Variants in ACTR1B observed in about 807,000 individuals in gnomAD.
ACTR1B encodes the protein beta-centractin.
In ACTR1B, 34 loss-of-function variants were observed where a neutral mutation model predicts 49.4. The observed-to-expected ratio is 0.69, with a 90% CI of 0.52 to 0.92. The LOEUF is 0.92. ACTR1B is among the 40% of genes least tolerant of loss of function. The probability of loss-of-function intolerance (pLI) is 0.00; values close to 1 mark genes in which losing one functional copy is unlikely to be tolerated. For missense variants in ACTR1B, 471 were observed against 522.4 expected (o/e 0.90, Z 0.96); for synonymous variants, 207 against 207.8 (o/e 1.00, Z 0.03).
At chr2:97,661,277 T>C (rs568603218) in intron 2 of ACTR1B, among the ~76,000 whole-genome samples, 2 of 152,314 alleles carry the variant, frequency 1.3e-5, no homozygotes, top group South Asian at 2.1e-4. Context: ...GGGCCTAGGA[T>C]CCCCTGCTGC....
chr2:97,657,207 T>C lies in ACTR1B; in HGVS notation c.988-15A>G, dbSNP rs897724466. 2 of 1,612,052 alleles carry C rather than the reference T, an allele frequency of 1.2e-6. No homozygotes were observed. The highest frequency in any genetic ancestry group is 2.7e-5 in the African/African-American group (2 of 74,886). Reference sequence around the variant, plus strand: ...GGGGCTGAGATCTAGAAGGAGGAAGTGGCCACGTTAACTGTGGATCCCCAC... The same window carrying C: ...GGGGCTGAGATCTAGAAGGAGGAAGCGGCCACGTTAACTGTGGATCCCCAC... On this transcript the variant is annotated splice_polypyrimidine_tract_variant and intron_variant, in intron 9 of 10. Transcript: ENST00000289228.
Position 97,656,248 on chromosome 2 carries a change from T to C in ACTR1B, c.*610A>G, listed in dbSNP as rs1674832778. 6.5e-6 allele frequency: 1 copy of C among 153,644 alleles called. No homozygotes were observed. Among genetic ancestry groups the C allele is most frequent in the Non-Finnish European group, 1.5e-5 (1 of 68,934 alleles). The allele number at this position is 153,644 out of a possible 1,614,324, so 9.5% of individuals were successfully genotyped here. On this transcript the variant is annotated 3_prime_UTR_variant, in exon 11 of 11. Transcript: ENST00000289228. ...GGATGAAGTGCTCTGAAAAGGATAG[T>C]GCAGCGGCTCTAGCCACCGTGCATC...
In ACTR1B at chr2:97,659,640, C is replaced by T. The variant is rs778646116; in HGVS notation, c.190-163G>A. The T allele has an allele frequency of 1.6e-4, 165 of 1,048,810 alleles. No individual in the cohort carries two copies. The highest frequency in any genetic ancestry group is 2.1e-4 in the Non-Finnish European group (152 of 728,962). 65.0% of individuals were successfully genotyped at this position (1,048,810 alleles called of 1,614,324 possible). On this transcript the variant is annotated intron_variant, in intron 3 of 10. Coordinates refer to ENST00000289228, the MANE Select transcript of ACTR1B (RefSeq NM_005735.4). This position sits in a 1 kb window ranked among gnomAD's most constrained non-coding sequence, Gnocchi z 4.0. The stretch of plus-strand genomic sequence containing the variant: ...CCCAGGGTCTGTGGCGGGTCCTGAA[C>T]TCAGCATGGGCTCACCTGCCCACCA...
In ACTR1B at chr2:97,658,523, G is replaced by A. The variant is rs1449920579; in HGVS notation, c.561C>T (p.Gly187=). 24 of 1,613,990 alleles carry A rather than the reference G, an allele frequency of 1.5e-5. No individual in the cohort carries two copies. Among genetic ancestry groups the A allele is most frequent in the Non-Finnish European group, 1.9e-5 (23 of 1,180,026 alleles). Residue 187 remains glycine, a synonymous_variant, in exon 6 of 11, where the codon GGC becomes GGT. Coordinates refer to ENST00000289228, the MANE Select transcript of ACTR1B (RefSeq NM_005735.4). This position sits in a 1 kb window ranked among gnomAD's most constrained non-coding sequence, Gnocchi z 5.9. The part of the protein sequence containing the change: ...PHSIMRVDIA[G]RDVSRYLRLL... ...GTCGGAGGTAGCGGGAGACGTCGCG[G>A]CCGGCAATGTCCACCCGCATGATGG...
Position 97,660,621 on chromosome 2 carries a change from C to T in ACTR1B, c.139G>A (p.Val47Met), listed in dbSNP as rs748665342. ...TCCCCCTCCAGGGCTCCAGCCATCA[C>T]CCGCATGTGCTTCGGCCGCCCGACA... is the stretch of plus-strand genomic sequence containing the variant. ...NYVGRPKHMR[V>M]MAGALEGDLF... The change falls in exon 3 of 11, where the codon GTG (valine) becomes ATG (methionine). Residue 47 changes from valine to methionine, a missense_variant. Coordinates refer to ENST00000289228, the MANE Select transcript of ACTR1B (RefSeq NM_005735.4). 74 of 1,613,990 alleles carry T rather than the reference C, an allele frequency of 4.6e-5. No individual in the cohort carries two copies. The highest frequency in any genetic ancestry group is 5.7e-5 in the Non-Finnish European group (67 of 1,180,032).
chr2:97,663,569 C>T (rs796290991), intron 1 of ACTR1B, among the ~76,000 whole-genome samples: 1 of 152,046 alleles, frequency 6.6e-6, no homozygotes, highest in Non-Finnish European at 1.5e-5. Flanking sequence ...GCCCGGCCGC[C>T]CGGCTGTCAC....
rs1674846250 is a variant in ACTR1B at position 97,656,513 on chromosome 2, A to T, written c.*345T>A. On this transcript the variant is annotated 3_prime_UTR_variant, in exon 11 of 11. Transcript: ENST00000289228. ...CACTCCCCAAACTGGCTACCCAGGCATCCAGGCATTCTGGCCCTGGAGCTC... is the reference window on the plus strand; with the variant it reads ...CACTCCCCAAACTGGCTACCCAGGCTTCCAGGCATTCTGGCCCTGGAGCTC... The T allele has an allele frequency of 3.6e-6, 1 of 279,006 alleles. No homozygotes were observed. The highest frequency in any genetic ancestry group is 6.9e-6 in the Non-Finnish European group (1 of 143,908). The allele number at this position is 279,006 out of a possible 1,614,324, so 17.3% of individuals were successfully genotyped here.
Position 97,658,991 on chromosome 2 carries a change from G to T in ACTR1B, c.328C>A (p.Leu110Ile), listed in dbSNP as rs768260887. The T allele has an allele frequency of 2.5e-6, 4 of 1,614,136 alleles. No individual in the cohort carries two copies. The highest frequency in any genetic ancestry group is 2.5e-6 in the Non-Finnish European group (3 of 1,180,022). The change falls in exon 5 of 11, where the codon CTC becomes ATC. Residue 110 changes from leucine to isoleucine, a missense_variant. Transcript: ENST00000289228. This position sits in a 1 kb window ranked among gnomAD's most constrained non-coding sequence, Gnocchi z 5.9. ...CTCGGGTTGAGCGGGGCCTCCGTGAGGAGCACAGGATGCTGCGAGGGACGG... is the reference window on the plus strand; with the variant it reads ...CTCGGGTTGAGCGGGGCCTCCGTGATGAGCACAGGATGCTGCGAGGGACGG... ...QTFSEEHPVL[L>I]TEAPLNPSKN...
chr2:97,659,610 G>C lies in ACTR1B; in HGVS notation c.190-133C>G, dbSNP rs1674958952. 1 of 1,320,844 alleles carries C rather than the reference G, an allele frequency of 7.6e-7. No homozygotes were observed. Among genetic ancestry groups the C allele is most frequent in the Non-Finnish European group, 1.0e-6 (1 of 955,852 alleles). 81.8% of individuals were successfully genotyped at this position (1,320,844 alleles called of 1,614,324 possible). On this transcript the variant is annotated intron_variant, in intron 3 of 10. Transcript: ENST00000289228. The surrounding 1 kb of genome is among the most constrained non-coding windows in gnomAD (Gnocchi z 4.0). The stretch of plus-strand genomic sequence containing the variant: ...TGACCAGAACCACCCCTGCTCACTG[G>C]GTGTCCCAGGGTCTGTGGCGGGTCC...
Position 97,662,251 on chromosome 2 carries a change from C to A in ACTR1B, c.49-305G>T, listed in dbSNP as rs569672819. Among the ~76,000 whole-genome samples the A allele has an allele frequency of 4.6e-5, 7 of 152,238 alleles. No homozygotes were observed. The South Asian group carries it at 1.5e-3, about 32-fold the overall frequency. On this transcript the variant is annotated intron_variant, in intron 1 of 10. Transcript: ENST00000289228. The stretch of plus-strand genomic sequence containing the variant: ...ATCCTACGATGCACAGGCGAGCCTG[C>A]ACTACCAACAAGGAGCTAGCCCAGA...
At chr2:97,662,027 C>G in intron 1 of ACTR1B, 81 bp from the exon 2 acceptor site, 1 of 1,427,692 alleles carries the variant, frequency 7.0e-7, no homozygotes. Context: ...AGCTGGCTGC[C>G]CCGTCAAGGC....
Position 97,658,833 on chromosome 2 carries a change from A to ACAGGGAGGACAGGACT in ACTR1B, c.440+30_440+45dup. On this transcript the variant is annotated intron_variant, in intron 5 of 10. Transcript: ENST00000289228. This position sits in a 1 kb window ranked among gnomAD's most constrained non-coding sequence, Gnocchi z 5.9. ...CCCTGGTCATGGCAAGCAGGACGGC[A>ACAGGGAGGACAGGACT]CAGGGAGGACAGGACTCAGGGAGGC... is the stretch of plus-strand genomic sequence containing the variant. 1.9e-6 allele frequency: 3 copies of ACAGGGAGGACAGGACT among 1,613,198 alleles called. No homozygotes were observed. The highest frequency in any genetic ancestry group is 1.7e-5 in the Admixed American group (1 of 60,006).
At chr2:97,660,672 G>A (rs1239984496) in intron 2 of ACTR1B, 26 bp from the exon 3 acceptor site, 3 of 1,609,032 alleles carry the variant, frequency 1.9e-6, no homozygotes, top group Middle Eastern at 1.7e-4. Context: ...ACGTCAGCAA[G>A]GTGGGCAGGG....
At chr2:97,657,810 G>T in intron 8 of ACTR1B, 133 bp downstream of exon 8, 1 of 1,096,176 alleles carries the variant, frequency 9.1e-7, no homozygotes, top group Non-Finnish European at 1.3e-6. Context: ...TTAAATTTTG[G>T]TCTGTTAAAA....
chr2:97,656,757 A>C lies in ACTR1B; in HGVS notation c.*101T>G. On this transcript the variant is annotated 3_prime_UTR_variant, in exon 11 of 11. Transcript: ENST00000289228. ...ACCCACCCAGGGGTTCAGGGCATGC[A>C]GGGGACCCTAAGCCTAGTATACGAG... 1.0e-6 allele frequency: 1 copy of C among 959,506 alleles called. No homozygotes were observed. The highest frequency in any genetic ancestry group is 1.6e-6 in the Non-Finnish European group (1 of 618,848). The allele number at this position is 959,506 out of a possible 1,614,324, so 59.4% of individuals were successfully genotyped here. A position where few individuals can be genotyped will look rare whatever the true frequency, so the allele number is the denominator to read the frequency against.
In ACTR1B at chr2:97,659,405, G is replaced by T. The variant is rs374344795; in HGVS notation, c.262C>A (p.Arg88Ser). 2 of 1,614,052 alleles carry T rather than the reference G, an allele frequency of 1.2e-6. No individual in the cohort carries two copies. Among genetic ancestry groups the T allele is most frequent in the Non-Finnish European group, 1.7e-6 (2 of 1,179,992 alleles). The stretch of plus-strand genomic sequence containing the variant: ...TTGGAGTAGACGTACTGCCAGATGC[G>T]TTCCATGTCGTTCCAGTCTCGCACC... Reference protein sequence around the residue: ...GVVRDWNDMERIWQYVYSKDQ... With the variant: ...GVVRDWNDMESIWQYVYSKDQ... The change falls in exon 4 of 11, where the codon CGC (arginine) becomes AGC (serine). Residue 88 changes from arginine to serine, a missense_variant. Arg to Ser is a moderately radical substitution (Grantham distance 110, BLOSUM62 -1). Transcript: ENST00000289228. The surrounding 1 kb of genome is among the most constrained non-coding windows in gnomAD (Gnocchi z 4.0).
rs777739271 is a variant in ACTR1B at position 97,656,851 on chromosome 2, T to C, written c.*7A>G. 1 of 1,570,154 alleles carries C rather than the reference T, an allele frequency of 6.4e-7. No individual in the cohort carries two copies. Among genetic ancestry groups the C allele is most frequent in the Non-Finnish European group, 8.7e-7 (1 of 1,155,590 alleles). On this transcript the variant is annotated 3_prime_UTR_variant, in exon 11 of 11. Transcript: ENST00000289228. ...CCTCTCCCAACATGCCCCGCCCTCCTTGGGCACTAGAAAGTTTTGCGATGA... is the reference window on the plus strand; with the variant it reads ...CCTCTCCCAACATGCCCCGCCCTCCCTGGGCACTAGAAAGTTTTGCGATGA...
At chr2:97,660,201 T>C (rs1423589026) in intron 3 of ACTR1B, among the ~76,000 whole-genome samples, 1 of 152,214 alleles carries the variant, frequency 6.6e-6, no homozygotes, top group Non-Finnish European at 1.5e-5. Flanking sequence ...CATGCTCTCC[T>C]GAGGGTCTGA....
rs545069324 is a variant in ACTR1B, at chr2:97,662,404, CT to C, written c.49-459del. ...CTAGAAGAAACCCCTCTGTGTGGGTCTTTTTTTTTTTTTTTCAACAGCTTCC... is the reference window on the plus strand; with the variant it reads ...CTAGAAGAAACCCCTCTGTGTGGGTCTTTTTTTTTTTTTTCAACAGCTTCC... On this transcript the variant is annotated intron_variant, in intron 1 of 10. Coordinates refer to ENST00000289228, the MANE Select transcript of ACTR1B (RefSeq NM_005735.4). 6.6e-3 allele frequency among the ~76,000 whole-genome samples: 937 copies of C among 141,138 alleles called. 9 individuals are homozygous for C. The highest frequency in any genetic ancestry group is 0.017 in the African/African-American group (646 of 38,716). 92.6% of individuals were successfully genotyped at this position (141,138 alleles called of 152,430 possible).
Sources: allele counts gnomAD v4.1 joint callset (sites outside exome capture counted in the v4.1 genomes callset), GRCh38; gene constraint gnomAD v4.1.1; non-coding constraint Gnocchi (gnomAD v3.1); transcripts MANE v1.5; gene names NCBI Gene and HGNC (gene_info 2026-07-23, HGNC 2026-07-21).